UNC45A: variants seen among roughly 807,000 people sequenced by gnomAD.
UNC45A encodes unc-45 myosin chaperone A.
Under a neutral mutation model 103.2 loss-of-function variants are expected in UNC45A, and 78 were observed. The observed-to-expected ratio is 0.76, with a 90% CI of 0.63 to 0.91. UNC45A has a LOEUF of 0.91. UNC45A is among the 40% of genes least tolerant of loss of function. The pLI is 0.00. For synonymous variants in UNC45A, 495 were observed against 504.6 expected, an observed-to-expected ratio of 0.98 and a Z score of 0.25; for missense variants, 1,193 against 1,224.8, an observed-to-expected ratio of 0.97 and a Z score of 0.39.
At chr15:90,943,256 G>A (rs1367386767) in intron 8 of UNC45A, among the ~76,000 whole-genome samples, 174 bp downstream of exon 8, 2 of 151,858 alleles carry the variant, frequency 1.3e-5, no homozygotes, top group Non-Finnish European at 2.9e-5. Context: ...GCGAGACCCT[G>A]TCTCTATGAA....
intron 6 of UNC45A, among the ~76,000 whole-genome samples, chr15:90,941,648 G>A (rs1053948122): frequency 6.6e-6 from 1 of 152,128 alleles, no homozygotes; most frequent in Non-Finnish European, 1.5e-5. Flanking sequence ...GGCCTTCTAG[G>A]GTTCTCCAGC....
Position 90,944,919 on chromosome 15 carries a change from G to A in UNC45A, c.1055G>A (p.Gly352Asp), listed in dbSNP as rs1319994235. The A allele has an allele frequency of 1.9e-6, 3 of 1,612,146 alleles. No homozygotes were observed. The highest frequency in any genetic ancestry group is 1.3e-5 in the African/African-American group (1 of 74,854). Residue 352 changes from glycine (G) to aspartate (D), a missense_variant, in exon 9 of 20, where the codon GGC (glycine) becomes GAC (aspartate). By Grantham distance (94) the Gly-to-Asp change is moderately conservative (BLOSUM62 -1). Transcript: ENST00000418476. ...CTGAAAAAGATTTTGGAAGTGGGGG[G>A]CTCTCTACAGGACCCTCCTGGGGAG... ...QGLKKILEVG[G>D]SLQDPPGELA...
At chr15:90,934,153 T>A (rs1202553454), upstream of UNC45A, 4 of 399,164 alleles carry the variant, frequency 1.0e-5, no homozygotes, top group Non-Finnish European at 1.8e-5. Context: ...GGTACAGCAC[T>A]TACCCCTGTG....
At chr15:90,942,888 C>CT (rs765919148) in intron 7 of UNC45A, 24 bp from the exon 8 acceptor site, 34 of 1,587,956 alleles carry the variant, frequency 2.1e-5, no homozygotes, top group Non-Finnish European at 2.9e-5. Flanking sequence ...GTGGAGCCCA[C>CT]TGATGTCTTC....
Position 90,942,547 on chromosome 15 carries a change from T to A in UNC45A, c.798T>A (p.Asp266Glu). 6.2e-7 allele frequency: 1 copy of A among 1,614,166 alleles called. No homozygotes were observed. Among genetic ancestry groups the A allele is most frequent in the Non-Finnish European group, 8.5e-7 (1 of 1,180,022 alleles). The change falls in exon 7 of 20, where the codon GAT becomes GAA. Residue 266 changes from aspartate to glutamate, a missense_variant. Transcript: ENST00000418476. ...AACHLLQVMF[D>E]ALKEGVKKGF... is the part of the protein sequence containing the mutation. ...GCCACCTGCTGCAGGTTATGTTTGA[T>A]GCCCTCAAGGAAGGTGTCAAAAAAG...
rs2036199267 is a variant in UNC45A at position 90,939,827 on chromosome 15, T to C, written c.519+4T>C. 5 of 1,613,740 alleles carry C rather than the reference T, an allele frequency of 3.1e-6. No individual in the cohort carries two copies. Among genetic ancestry groups the C allele is most frequent in the Non-Finnish European group, 4.2e-6 (5 of 1,179,942 alleles). Reference sequence around the variant, plus strand: ...GGGCACTGAGAAAAAGCAAAAGGTATAGGCCCTGGGCTGAGTCAGTGAGTG... The same window carrying C: ...GGGCACTGAGAAAAAGCAAAAGGTACAGGCCCTGGGCTGAGTCAGTGAGTG... On this transcript the variant is annotated splice_donor_region_variant and intron_variant, in intron 5 of 19. Coordinates refer to ENST00000418476, the MANE Select transcript of UNC45A (RefSeq NM_018671.5).
chr15:90,950,064 G>C (rs146235981), intron 15 of UNC45A, 90 bp from the exon 16 acceptor site: 1 of 1,252,074 alleles, frequency 8.0e-7, no homozygotes, highest in Non-Finnish European at 1.1e-6. Flanking sequence ...AGGGAGGAAG[G>C]TGAGGGTGGC....
chr15:90,935,987 G>A lies in UNC45A; in HGVS notation c.250+5G>A, dbSNP rs1414393542. The A allele has an allele frequency of 6.8e-6, 11 of 1,613,934 alleles. No individual in the cohort carries two copies. Among genetic ancestry groups the A allele is most frequent in the South Asian group, 1.1e-5 (1 of 91,080 alleles). On this transcript the variant is annotated splice_donor_5th_base_variant and intron_variant, in intron 3 of 19. Coordinates refer to ENST00000418476, the MANE Select transcript of UNC45A (RefSeq NM_018671.5). Reference sequence around the variant, plus strand: ...CAGAAACAGAGGCATCCAAAGGTAGGGGAATGGTGGGCCCTGGTGTGGAGC... The same window carrying A: ...CAGAAACAGAGGCATCCAAAGGTAGAGGAATGGTGGGCCCTGGTGTGGAGC...
chr15:90,949,023 C>T (rs935933859), intron 13 of UNC45A, among the ~76,000 whole-genome samples: 1 of 151,772 alleles, frequency 6.6e-6, no homozygotes, highest in African/African-American at 2.4e-5. Flanking sequence ...ACTACAGGTG[C>T]CCGCCACCAT....
chr15:90,932,247 G>A (rs2035826616), upstream of UNC45A: 4 of 982,740 alleles, frequency 4.1e-6, no homozygotes, highest in Non-Finnish European at 5.9e-6. Context: ...CTTACCCTCT[G>A]GGAGCCAACC....
At chr15:90,931,203 A>T, upstream of UNC45A, 1 of 1,516,444 alleles carries the variant, frequency 6.6e-7, no homozygotes, top group Admixed American at 2.0e-5. Flanking sequence ...GAGACACAGA[A>T]AAGATGGCGT....
chr15:90,935,205 C>G (rs1596205833), upstream of UNC45A: 1 of 1,042,570 alleles, frequency 9.6e-7, no homozygotes, highest in Non-Finnish European at 1.4e-6. Flanking sequence ...TAGCCCTGCC[C>G]CTCTCTGACC....
intron 3 of UNC45A, 100 bp downstream of exon 3, chr15:90,936,082 G>T: frequency 3.2e-6 from 5 of 1,570,336 alleles, no homozygotes; most frequent in Admixed American, 1.9e-5. Context: ...TTTGGCCCCA[G>T]AGACACATCT....
In UNC45A at chr15:90,945,852, C is replaced by T. The variant is rs1159167512; in HGVS notation, c.1200-762C>T. Among the ~76,000 whole-genome samples the T allele has an allele frequency of 5.4e-5, 8 of 148,606 alleles. No individual in the cohort carries two copies. The East Asian group carries it at 6.4e-4, about 12-fold the overall frequency. On this transcript the variant is annotated intron_variant, in intron 9 of 19. Coordinates refer to ENST00000418476, the MANE Select transcript of UNC45A (RefSeq NM_018671.5). The stretch of plus-strand genomic sequence containing the variant: ...TTCACCATGTTGGCCAGGCTGGTCT[C>T]GAACTCCTGACCTCACACCTGAGGT...
At chr15:90,931,156 TGGCC>T, upstream of UNC45A, 3 of 1,242,728 alleles carry the variant, frequency 2.4e-6, no homozygotes, top group Admixed American at 5.1e-5. Context: ...AGTCTTTTTT[TGGCC>T]TCTAATATCT....
upstream of UNC45A, chr15:90,934,054 G>A (rs2035896154): frequency 5.0e-6 from 2 of 398,992 alleles, no homozygotes; most frequent in South Asian, 1.3e-4. Context: ...GGCATCCAGA[G>A]AAGGTCAGGC....
intron 7 of UNC45A, 80 bp downstream of exon 7, chr15:90,942,685 T>C: frequency 6.2e-7 from 1 of 1,601,450 alleles, no homozygotes; most frequent in Non-Finnish European, 8.5e-7. Flanking sequence ...GCCAGTTTTT[T>C]GGGGACCAGA....
chr15:90,949,703 G>T lies in UNC45A; in HGVS notation c.2056G>T (p.Ala686Ser). The T allele has an allele frequency of 2.5e-6, 4 of 1,614,196 alleles. No individual in the cohort carries two copies. The highest frequency in any genetic ancestry group is 3.4e-6 in the Non-Finnish European group (4 of 1,180,030). ...GGTAGAGGACCGAGGCACTGTGGTT[G>T]CCCAGGGAGGCGGCAGGGTAAGCTG... Reference protein sequence around the residue: ...EEVEDRGTVVAQGGGRALIPL... With the variant: ...EEVEDRGTVVSQGGGRALIPL... Residue 686 changes from alanine (A) to serine (S), a missense_variant, in exon 15 of 20, where the codon GCC becomes TCC. Coordinates refer to ENST00000418476, the MANE Select transcript of UNC45A (RefSeq NM_018671.5).
upstream of UNC45A, chr15:90,931,599 T>C (rs535250483): frequency 3.1e-6 from 5 of 1,614,062 alleles, no homozygotes; most frequent in South Asian, 5.5e-5. Context: ...AGGATTAATT[T>C]GGGAATTAAG....
Sources: allele counts gnomAD v4.1 joint callset (sites outside exome capture counted in the v4.1 genomes callset), GRCh38; gene constraint gnomAD v4.1.1; transcripts MANE v1.5; gene names NCBI Gene and HGNC (gene_info 2026-07-23, HGNC 2026-07-21).